Variants in MICALL1 observed in about 807,000 individuals in gnomAD.
The protein encoded by MICALL1 is MICAL like 1.
In MICALL1, 61 loss-of-function variants were observed where a neutral mutation model predicts 83.7. The observed-to-expected ratio is 0.73, with a 90% confidence interval of 0.59 to 0.90. The LOEUF is 0.90. MICALL1 is among the 40% of genes least tolerant of loss of function. The pLI, the probability that MICALL1 is intolerant of heterozygous loss-of-function variation, is 0.00. For synonymous variants in MICALL1, 481 were observed against 473.6 expected (o/e 1.02, Z -0.20); for missense variants, 1,066 against 1,152.0 (o/e 0.93, Z 1.08).
At chr22:37,910,356 C>G (rs1337425218) in intron 1 of MICALL1, among the ~76,000 whole-genome samples, 2 of 152,000 alleles carry the variant, frequency 1.3e-5, no homozygotes, top group Admixed American at 6.6e-5. Flanking sequence ...CTGGGGTGAC[C>G]GAAATAAACG....
intron 5 of MICALL1, among the ~76,000 whole-genome samples, chr22:37,921,476 G>A (rs1353709490): frequency 6.6e-6 from 1 of 152,170 alleles, no homozygotes; most frequent in African/African-American, 2.4e-5. Flanking sequence ...GGAAGGCTGA[G>A]GCAGGAGAAT....
In MICALL1 at chr22:37,908,414, C is replaced by T. The variant is rs1928106036; in HGVS notation, c.146+1846C>T. 1.3e-5 allele frequency among the ~76,000 whole-genome samples: 2 copies of T among 152,070 alleles called. 1 individual carries two copies. The highest frequency in any genetic ancestry group is 6.8e-3 in the Middle Eastern group (2 of 294). Reference sequence around the variant, plus strand: ...CTCCCGGGCTCAAGCAATCCTCCCACCTCAACCTCCCTAGTAGCTGGGACC... The same window carrying T: ...CTCCCGGGCTCAAGCAATCCTCCCATCTCAACCTCCCTAGTAGCTGGGACC... On this transcript the variant is annotated intron_variant, in intron 1 of 15. Coordinates refer to ENST00000215957, the MANE Select transcript of MICALL1 (RefSeq NM_033386.4).
At chr22:37,907,899 AG>A (rs1928069720) in intron 1 of MICALL1, among the ~76,000 whole-genome samples, 1 of 152,206 alleles carries the variant, frequency 6.6e-6, no homozygotes, top group Non-Finnish European at 1.5e-5. Context: ...GCCCAGGAGC[AG>A]GGGGTAGAAG....
chr22:37,907,156 C>A (rs1261577249), intron 1 of MICALL1: 1 of 153,012 alleles, frequency 6.5e-6, no homozygotes, highest in Non-Finnish European at 1.5e-5. Context: ...CCCACGCCCC[C>A]CAACTTAGGA....
intron 5 of MICALL1, among the ~76,000 whole-genome samples, chr22:37,920,745 C>T (rs1385572616): frequency 6.6e-6 from 1 of 151,926 alleles, no homozygotes; most frequent in Non-Finnish European, 1.5e-5. Context: ...CACGGTGAAA[C>T]CCCGTCTCTA....
Position 37,941,186 on chromosome 22 carries a change from G to A in MICALL1, c.*356G>A, listed in dbSNP as rs1601842327. ...TGCCCAGCCCCTGCCATGAGCTCTGGGCTGGGTCTCCGCCTCCAGGGTTCT... is the reference window on the plus strand; with the variant it reads ...TGCCCAGCCCCTGCCATGAGCTCTGAGCTGGGTCTCCGCCTCCAGGGTTCT... On this transcript the variant is annotated 3_prime_UTR_variant, in exon 16 of 16. Coordinates refer to ENST00000215957, the MANE Select transcript of MICALL1 (RefSeq NM_033386.4). 4.9e-6 allele frequency: 1 copy of A among 202,134 alleles called. No individual in the cohort carries two copies. The highest frequency in any genetic ancestry group is 1.2e-4 in the East Asian group (1 of 8,500). The allele number at this position is 202,134 out of a possible 1,614,324, so 12.5% of individuals were successfully genotyped here.
chr22:37,927,837 C>T lies in MICALL1; in HGVS notation c.1881+11C>T, dbSNP rs768627294. 6 of 1,587,954 alleles carry T rather than the reference C, an allele frequency of 3.8e-6. No individual in the cohort carries two copies. In the East Asian group the frequency reaches 9.0e-5, roughly 24 times the overall value. On this transcript the variant is annotated intron_variant, in intron 9 of 15. Transcript: ENST00000215957. ...CAGCTGCAGGTAAAGGTGAGTGCCCCCTCACCCTCACTAAAAGTGACATCC... is the reference window on the plus strand; with the variant it reads ...CAGCTGCAGGTAAAGGTGAGTGCCCTCTCACCCTCACTAAAAGTGACATCC...
rs1365611508 is a variant in MICALL1 at position 37,922,356 on chromosome 22, G to A, written c.954G>A (p.Thr318=). The A allele has an allele frequency of 4.8e-6, 7 of 1,468,332 alleles. No homozygotes were observed. Among genetic ancestry groups the A allele is most frequent in the Middle Eastern group, 2.3e-4 (1 of 4,302 alleles). The allele number at this position is 1,468,332 out of a possible 1,614,324, so 91.0% of individuals were successfully genotyped here. Residue 318 remains threonine, a synonymous_variant, in exon 6 of 16, where the codon ACG becomes ACA. Transcript: ENST00000215957. ...AGAGCACCACCCCAGCACCCCCCAC[G>A]CCCCGGCCCCGCTCCAGTCTGCAGC... ...ASESTTPAPP[T]PRPRSSLQQE...
At chr22:37,916,135 G>A (rs991191450) in intron 3 of MICALL1, among the ~76,000 whole-genome samples, 2 of 152,146 alleles carry the variant, frequency 1.3e-5, no homozygotes, top group Non-Finnish European at 2.9e-5. Context: ...CAGCTCATTC[G>A]TTGGCCCTCT....
At chr22:37,928,212 TTTA>T (rs1929593835) in intron 9 of MICALL1, among the ~76,000 whole-genome samples, 1 of 149,906 alleles carries the variant, frequency 6.7e-6, no homozygotes, top group Non-Finnish European at 1.5e-5. Context: ...GGCCTTCTTT[TTTA>T]TTTTTTTTTG....
chr22:37,929,952 C>T (rs1929698624), intron 9 of MICALL1, among the ~76,000 whole-genome samples: 1 of 152,248 alleles, frequency 6.6e-6, no homozygotes, highest in Admixed American at 6.5e-5. Flanking sequence ...TGCCTCCCAC[C>T]TGCTGTGTGT....
Position 37,940,895 on chromosome 22 carries a change from A to G in MICALL1, c.*65A>G. ...CAGCTCCTGGGCTGTGCTCTGTTTGAAGGGGGCGCCCTGCTCCCCTCAGAT... is the reference window on the plus strand; with the variant it reads ...CAGCTCCTGGGCTGTGCTCTGTTTGGAGGGGGCGCCCTGCTCCCCTCAGAT... On this transcript the variant is annotated 3_prime_UTR_variant, in exon 16 of 16. Coordinates refer to ENST00000215957, the MANE Select transcript of MICALL1 (RefSeq NM_033386.4). The G allele has an allele frequency of 6.3e-7, 1 of 1,598,042 alleles. No homozygotes were observed. The highest frequency in any genetic ancestry group is 8.5e-7 in the Non-Finnish European group (1 of 1,170,764).
intron 1 of MICALL1, among the ~76,000 whole-genome samples, chr22:37,911,257 C>T (rs994442752): frequency 1.7e-4 from 26 of 152,364 alleles, no homozygotes; most frequent in Admixed American, 3.3e-4. Flanking sequence ...TCTATGCCAG[C>T]AGCTCCGGAG....
At position 37,942,387 on chromosome 22, in the gene MICALL1, C is replaced by T. The variant is rs1930476910; in HGVS notation, c.*1557C>T. ...GGTGAACTGGAGGCAAGTCAAGTCA[C>T]CTGTGGCCTGTGGGGCTGAATGTGG... On this transcript the variant is annotated 3_prime_UTR_variant, in exon 16 of 16. Coordinates refer to ENST00000215957, the MANE Select transcript of MICALL1 (RefSeq NM_033386.4). The T allele has an allele frequency of 6.6e-6, 1 of 152,226 alleles. No homozygotes were observed. Among genetic ancestry groups the T allele is most frequent in the African/African-American group, 2.4e-5 (1 of 41,454 alleles). The allele number at this position is 152,226 out of a possible 1,614,324, so 9.4% of individuals were successfully genotyped here.
At chr22:37,925,626 T>A in intron 7 of MICALL1, 35 bp from the exon 8 acceptor site, 1 of 1,559,536 alleles carries the variant, frequency 6.4e-7, no homozygotes, top group Non-Finnish European at 8.7e-7. Context: ...CCCTTGCCTC[T>A]GCTAATGGTT....
chr22:37,941,735 C>G lies in MICALL1; in HGVS notation c.*905C>G, dbSNP rs917476829. ...CCGCCCATGGTCATCACTGGTCTGTCTGCTCTGTTGTCTGTTCTTTCCCTG... is the reference window on the plus strand; with the variant it reads ...CCGCCCATGGTCATCACTGGTCTGTGTGCTCTGTTGTCTGTTCTTTCCCTG... On this transcript the variant is annotated 3_prime_UTR_variant, in exon 16 of 16. Coordinates refer to ENST00000215957, the MANE Select transcript of MICALL1 (RefSeq NM_033386.4). The G allele has an allele frequency of 1.3e-5, 2 of 152,580 alleles. No individual in the cohort carries two copies. Among genetic ancestry groups the G allele is most frequent in the Non-Finnish European group, 2.9e-5 (2 of 68,338 alleles). 9.5% of individuals were successfully genotyped at this position (152,580 alleles called of 1,614,324 possible). A position where few individuals can be genotyped will look rare whatever the true frequency, so the allele number is the denominator to read the frequency against.
intron 10 of MICALL1, 46 bp downstream of exon 10, chr22:37,931,979 A>AC (rs1929815940): frequency 6.3e-7 from 1 of 1,593,622 alleles, no homozygotes; most frequent in Non-Finnish European, 8.5e-7. Flanking sequence ...TGGGCTGGCA[A>AC]CCCCCACTCT....
At chr22:37,928,052 G>A (rs1929579174) in intron 9 of MICALL1, among the ~76,000 whole-genome samples, 1 of 151,630 alleles carries the variant, frequency 6.6e-6, no homozygotes, top group Non-Finnish European at 1.5e-5. Context: ...TACTACAGGC[G>A]CCCACCACCA....
At chr22:37,920,459 A>G (rs901399423) in intron 5 of MICALL1, among the ~76,000 whole-genome samples, 5 of 151,888 alleles carry the variant, frequency 3.3e-5, no homozygotes, top group African/African-American at 1.2e-4. Flanking sequence ...TCTGGCTACC[A>G]GGGCAGTGTT....
Sources: allele counts gnomAD v4.1 joint callset (sites outside exome capture counted in the v4.1 genomes callset), GRCh38; gene constraint gnomAD v4.1.1; transcripts MANE v1.5; gene names NCBI Gene and HGNC (gene_info 2026-07-23, HGNC 2026-07-21).